Variants in GPR141 observed in about 807,000 individuals in gnomAD.
GPR141 encodes the protein probable G protein-coupled receptor 141.
In GPR141, 6 loss-of-function variants were observed where a neutral mutation model predicts 6.8. That is an observed-to-expected ratio of 0.88 (90% CI 0.48 to 1.74). The LOEUF is 1.74. Ranked by LOEUF, GPR141 falls within the 40% of genes most tolerant of loss-of-function variation. The pLI is 0.01. For synonymous variants in GPR141, 140 were observed against 142.3 expected, an observed-to-expected ratio of 0.98 and a Z score of 0.11; for missense variants, 372 against 372.9, an observed-to-expected ratio of 1.00 and a Z score of 0.02.
intron 2 of GPR141, among the ~76,000 whole-genome samples, chr7:37,696,926 A>G (rs1810042908): frequency 2.0e-5 from 3 of 152,166 alleles, no homozygotes; most frequent in Non-Finnish European, 4.4e-5. Flanking sequence ...TCTGGAAAAA[A>G]TTTTAATAGT....
chr7:37,687,422 C>G lies in GPR141; in HGVS notation c.-15+1839C>G, dbSNP rs1809559866. Among the ~76,000 whole-genome samples the G allele has an allele frequency of 2.0e-5, 3 of 152,104 alleles. No individual in the cohort carries two copies. In the South Asian group the frequency reaches 6.2e-4, roughly 32 times the overall value. On this transcript the variant is annotated intron_variant, in intron 2 of 2. Transcript: ENST00000334425. ...ACCTCTACTCTTGTCATCCTCTCAT[C>G]TCAGAAGCTGTTAGGAAATAGAAAT...
intron 2 of GPR141, among the ~76,000 whole-genome samples, chr7:37,731,876 C>A (rs978184438): frequency 7.9e-5 from 12 of 152,016 alleles, no homozygotes; most frequent in African/African-American, 2.7e-4. Flanking sequence ...TGGCCCCATC[C>A]TAGTTCTTGC....
At chr7:37,714,844 A>G (rs2131798536) in intron 2 of GPR141, among the ~76,000 whole-genome samples, 1 of 152,300 alleles carries the variant, frequency 6.6e-6, no homozygotes, top group South Asian at 2.1e-4. Context: ...GTTCTTTGCA[A>G]TGGCTTCCCA....
At chr7:37,731,655 A>T (rs1051342931) in intron 2 of GPR141, among the ~76,000 whole-genome samples, 17 of 151,966 alleles carry the variant, frequency 1.1e-4, no homozygotes, top group African/African-American at 3.9e-4. Flanking sequence ...GGTTTCACCG[A>T]GTTAGCCAGG....
chr7:37,721,654 T>C (rs1811333196), intron 2 of GPR141, among the ~76,000 whole-genome samples: 2 of 152,196 alleles, frequency 1.3e-5, no homozygotes, highest in Non-Finnish European at 2.9e-5. Flanking sequence ...CCTCCCTAGA[T>C]TTTTTGTTGG....
intron 2 of GPR141, among the ~76,000 whole-genome samples, chr7:37,727,935 C>T (rs1019599521): frequency 1.3e-5 from 2 of 152,210 alleles, no homozygotes; most frequent in African/African-American, 4.8e-5. Flanking sequence ...TCCTCATGTA[C>T]AGATTCTCAC....
chr7:37,719,160 G>A (rs1347127078), intron 2 of GPR141, among the ~76,000 whole-genome samples: 2 of 152,156 alleles, frequency 1.3e-5, no homozygotes, highest in Admixed American at 6.5e-5. Flanking sequence ...AGAATCAAAG[G>A]TTGGACCCGG....
chr7:37,730,661 A>G (rs1206086469), intron 2 of GPR141, among the ~76,000 whole-genome samples: 1 of 151,962 alleles, frequency 6.6e-6, no homozygotes, highest in Non-Finnish European at 1.5e-5. Context: ...GGGCCCGGCC[A>G]TGGCCATGGT....
At chr7:37,687,976 T>C (rs1208215714) in intron 2 of GPR141, among the ~76,000 whole-genome samples, 1 of 152,122 alleles carries the variant, frequency 6.6e-6, no homozygotes. Context: ...GTTGCAACGA[T>C]ACAACTTACA....
intron 2 of GPR141, among the ~76,000 whole-genome samples, chr7:37,724,016 A>C (rs998132249): frequency 2.0e-5 from 3 of 152,178 alleles, no homozygotes; most frequent in Admixed American, 6.5e-5. Flanking sequence ...TATTTTCGAG[A>C]ACATGGGTGG....
At position 37,689,204 on chromosome 7, in the gene GPR141, A is replaced by G. The variant is rs185902821; in HGVS notation, c.-15+3621A>G. Among the ~76,000 whole-genome samples, 123 of 152,206 alleles carry G rather than the reference A, an allele frequency of 8.1e-4. 1 individual carries two copies. The highest frequency in any genetic ancestry group is 1.6e-3 in the Non-Finnish European group (107 of 68,014). On this transcript the variant is annotated intron_variant, in intron 2 of 2. Coordinates refer to ENST00000334425, the MANE Select transcript of GPR141 (RefSeq NM_001381946.1). ...TGATATGTCAGATTTGTCGATTTGCATATGTCAAACTATCCTTCTATCCTT... is the reference window on the plus strand; with the variant it reads ...TGATATGTCAGATTTGTCGATTTGCGTATGTCAAACTATCCTTCTATCCTT...
intron 2 of GPR141, among the ~76,000 whole-genome samples, chr7:37,695,385 G>C (rs1466208234): frequency 6.6e-6 from 1 of 152,218 alleles, no homozygotes; most frequent in Non-Finnish European, 1.5e-5. Flanking sequence ...TAAGAGCACA[G>C]CTGTGTGGAC....
intron 2 of GPR141, among the ~76,000 whole-genome samples, chr7:37,706,247 G>A (rs1011336898): frequency 1.1e-4 from 16 of 152,192 alleles, no homozygotes. Context: ...GGACTCTACG[G>A]ATGCATAGAA....
intron 2 of GPR141, among the ~76,000 whole-genome samples, chr7:37,710,563 A>T (rs1810745836): frequency 6.6e-6 from 1 of 152,190 alleles, no homozygotes; most frequent in Non-Finnish European, 1.5e-5. Flanking sequence ...TGATTGCCTC[A>T]TATTTTTACA....
chr7:37,711,029 A>C (rs1475622712), intron 2 of GPR141, among the ~76,000 whole-genome samples: 1 of 152,196 alleles, frequency 6.6e-6, no homozygotes, highest in Non-Finnish European at 1.5e-5. Flanking sequence ...GCAAGTGGAG[A>C]GACTGATGTT....
chr7:37,739,536 A>T (rs528179209), intron 2 of GPR141, among the ~76,000 whole-genome samples: 1 of 152,328 alleles, frequency 6.6e-6, no homozygotes, highest in South Asian at 2.1e-4. Context: ...AGGGATTTAG[A>T]TAGGAAACTG....
chr7:37,687,335 G>A (rs760656356), intron 2 of GPR141, among the ~76,000 whole-genome samples: 8 of 152,098 alleles, frequency 5.3e-5, no homozygotes, highest in Non-Finnish European at 8.8e-5. Flanking sequence ...TGAAAAACCT[G>A]AGTAGCTTTG....
In GPR141 at chr7:37,740,374, C is replaced by T; in HGVS notation, c.-14-6C>T. 1 of 1,554,256 alleles carries T rather than the reference C, an allele frequency of 6.4e-7. No homozygotes were observed. The highest frequency in any genetic ancestry group is 2.3e-5 in the East Asian group (1 of 44,318). On this transcript the variant is annotated splice_region_variant and splice_polypyrimidine_tract_variant and intron_variant, in intron 2 of 2. Coordinates refer to ENST00000334425, the MANE Select transcript of GPR141 (RefSeq NM_001381946.1). The stretch of plus-strand genomic sequence containing the variant: ...GTCAGTTACTCTGGTGCTTTTTCTC[C>T]TCCAGGTGACTTCCCAAGTATGCCT...
At chr7:37,708,726 G>A (rs1810654137) in intron 2 of GPR141, among the ~76,000 whole-genome samples, 1 of 152,100 alleles carries the variant, frequency 6.6e-6, no homozygotes, top group Non-Finnish European at 1.5e-5. Context: ...CACCTAGAGT[G>A]TAGAAGAGCA....
Sources: allele counts gnomAD v4.1 joint callset (sites outside exome capture counted in the v4.1 genomes callset), GRCh38; gene constraint gnomAD v4.1.1; transcripts MANE v1.5; gene names NCBI Gene and HGNC (gene_info 2026-07-23, HGNC 2026-07-21).